The following GALK2 variants were observed in gnomAD, a reference collection of about 807,000 sequenced individuals.
The protein encoded by GALK2 is N-acetylgalactosamine kinase.
In GALK2, 36 loss-of-function variants were observed where a neutral mutation model predicts 52.4. The observed-to-expected ratio is 0.69, with a 90% CI of 0.53 to 0.91. The LOEUF (loss-of-function observed/expected upper bound fraction) is 0.91. GALK2 is among the 40% of genes least tolerant of loss of function. The pLI is 0.00. For synonymous variants in GALK2, 176 were observed against 199.1 expected (o/e 0.88, Z 0.98); for missense variants, 579 against 559.1 (o/e 1.04, Z -0.36).
rs2038794687 is a variant in GALK2, at chr15:49,331,738, C to G, written c.*3579C>G. The G allele has an allele frequency of 1.7e-6, 2 of 1,209,194 alleles. No individual in the cohort carries two copies. The allele number at this position is 1,209,194 out of a possible 1,614,324, so 74.9% of individuals were successfully genotyped here. On this transcript the variant is annotated 3_prime_UTR_variant, in exon 10 of 10. Coordinates refer to ENST00000560031, the MANE Select transcript of GALK2 (RefSeq NM_002044.4). Reference sequence around the variant, plus strand: ...TATTGTCCAGTCTATATAAAAGAAGCTAGAGAGAGAATTCTCAATTATTTT... The same window carrying G: ...TATTGTCCAGTCTATATAAAAGAAGGTAGAGAGAGAATTCTCAATTATTTT...
In GALK2 at chr15:49,170,703, G is replaced by A. The variant is rs575676350; in HGVS notation, c.53+328G>A. ...CACACTGAACTCCTCTCTTTGTCTC[G>A]CATGCCAGTTGATACTGCTTTTTAA... On this transcript the variant is annotated intron_variant, in intron 1 of 9. Transcript: ENST00000560031. 7 of 264,994 alleles carry A rather than the reference G, an allele frequency of 2.6e-5. No individual in the cohort carries two copies. The South Asian group carries it at 7.7e-4, about 29-fold the overall frequency. The allele number at this position is 264,994 out of a possible 1,614,324, so 16.4% of individuals were successfully genotyped here. A position where few individuals can be genotyped will look rare whatever the true frequency, so the allele number is the denominator to read the frequency against.
intron 5 of GALK2, among the ~76,000 whole-genome samples, chr15:49,251,087 A>G (rs941474274): frequency 3.9e-4 from 59 of 152,220 alleles, no homozygotes; most frequent in African/African-American, 1.4e-3. Flanking sequence ...CTGCCAAACC[A>G]AATGTGATAG....
intron 3 of GALK2, among the ~76,000 whole-genome samples, chr15:49,346,340 T>C (rs778872388): frequency 4.3e-4 from 66 of 152,302 alleles, no homozygotes; most frequent in Middle Eastern, 6.8e-3. Context: ...TCCTACAAAA[T>C]GCTATGAAGC....
rs1175434605 is a variant in GALK2 at position 49,237,450 on chromosome 15, TTTTTTGTTTTTGTTTTTTTG to T, written c.357+1527_357+1546del. ...CATTTAAACATTGCATAATACGTTG[TTTTTTGTTTTTGTTTTTTTG>T]TTTTTGTTTTTGTTTTTGTTTTTTG... is the stretch of plus-strand genomic sequence containing the variant. On this transcript the variant is annotated intron_variant, in intron 4 of 9. Coordinates refer to ENST00000560031, the MANE Select transcript of GALK2 (RefSeq NM_002044.4). Among the ~76,000 whole-genome samples the T allele has an allele frequency of 7.2e-5, 11 of 152,014 alleles. 1 individual carries two copies. Among genetic ancestry groups the T allele is most frequent in the African/African-American group, 2.7e-4 (11 of 41,444 alleles).
At chr15:49,199,644 A>G (rs530335049) in intron 1 of GALK2, among the ~76,000 whole-genome samples, 5 of 147,282 alleles carry the variant, frequency 3.4e-5, no homozygotes, top group Admixed American at 3.4e-4. Flanking sequence ...AACTCTGCCA[A>G]GCTGATTATA....
At chr15:49,286,581 A>T (rs1315574994) in intron 7 of GALK2, among the ~76,000 whole-genome samples, 2 of 152,180 alleles carry the variant, frequency 1.3e-5, no homozygotes, top group African/African-American at 4.8e-5. Flanking sequence ...ATTATGATTT[A>T]AATGTTTTGA....
At chr15:49,217,380 GGA>G in intron 3 of GALK2, 67 bp downstream of exon 3, 1 of 1,432,932 alleles carries the variant, frequency 7.0e-7, no homozygotes, top group Non-Finnish European at 9.4e-7. Flanking sequence ...GAACTCTTTA[GGA>G]GACATCAAAT....
intron 5 of GALK2, among the ~76,000 whole-genome samples, chr15:49,245,432 T>C (rs1450271247): frequency 6.7e-6 from 1 of 150,174 alleles, no homozygotes; most frequent in Non-Finnish European, 1.5e-5. Context: ...AAATAAAAGA[T>C]AGAAGAACTG....
intron 8 of GALK2, among the ~76,000 whole-genome samples, chr15:49,300,202 G>A (rs1334471106): frequency 1.3e-5 from 2 of 151,834 alleles, no homozygotes; most frequent in East Asian, 1.9e-4. Flanking sequence ...GCCCATTTTT[G>A]ACCTTTTTGA....
chr15:49,337,515 T>TC (rs1359260171), intron 3 of GALK2, among the ~76,000 whole-genome samples: 1 of 135,454 alleles, frequency 7.4e-6, no homozygotes, highest in Non-Finnish European at 1.6e-5. Context: ...CCACTTTTTT[T>TC]TTTTTTTTTT....
intron 1 of GALK2, among the ~76,000 whole-genome samples, chr15:49,192,512 T>C (rs1250822472): frequency 2.9e-5 from 4 of 139,168 alleles, no homozygotes; most frequent in Admixed American, 2.8e-4. Flanking sequence ...TATATATATA[T>C]ATATATATAT....
intron 4 of GALK2, among the ~76,000 whole-genome samples, chr15:49,237,357 C>G (rs1318006781): frequency 1.3e-5 from 2 of 152,120 alleles, no homozygotes; most frequent in African/African-American, 4.8e-5. Flanking sequence ...ACATGTTATC[C>G]TTTTGGCATA....
intron 9 of GALK2, among the ~76,000 whole-genome samples, chr15:49,323,835 G>A (rs1488581266): frequency 2.0e-5 from 3 of 152,108 alleles, no homozygotes. Flanking sequence ...GAGGATGAAG[G>A]AAACTATACT....
chr15:49,358,893 T>C (rs1177549148), intron 3 of GALK2, among the ~76,000 whole-genome samples: 1 of 147,874 alleles, frequency 6.8e-6, no homozygotes, highest in African/African-American at 2.5e-5. Context: ...AACAGAGATA[T>C]AGATCAATGG....
At chr15:49,361,523 T>G (rs910823759) in intron 3 of GALK2, among the ~76,000 whole-genome samples, 2 of 152,170 alleles carry the variant, frequency 1.3e-5, no homozygotes, top group Non-Finnish European at 2.9e-5. Context: ...CTGCATTAGT[T>G]CACTTAGGTT....
At chr15:49,186,065 A>G (rs910183059) in intron 1 of GALK2, among the ~76,000 whole-genome samples, 1 of 152,004 alleles carries the variant, frequency 6.6e-6, no homozygotes, top group African/African-American at 2.4e-5. Context: ...GAGTTTGATT[A>G]TTAAATGTCT....
At chr15:49,292,282 A>G in intron 7 of GALK2, 45 bp from the exon 8 acceptor site, 5 of 1,557,294 alleles carry the variant, frequency 3.2e-6, no homozygotes, top group Non-Finnish European at 4.4e-6. Context: ...AGTACACATC[A>G]AATTCTGAAT....
upstream of GALK2, among the ~76,000 whole-genome samples, chr15:49,165,541 C>T (rs1006279730): frequency 6.6e-6 from 1 of 152,070 alleles, no homozygotes; most frequent in Non-Finnish European, 1.5e-5. Context: ...AATATAGCAG[C>T]CACTTGTTTC....
At chr15:49,180,591 A>G (rs1283403458) in intron 1 of GALK2, among the ~76,000 whole-genome samples, 1 of 152,346 alleles carries the variant, frequency 6.6e-6, no homozygotes, top group East Asian at 1.9e-4. Flanking sequence ...ACATCTGTTC[A>G]CATCCATTGC....
Sources: allele counts gnomAD v4.1 joint callset (sites outside exome capture counted in the v4.1 genomes callset), GRCh38; gene constraint gnomAD v4.1.1; transcripts MANE v1.5; gene names NCBI Gene and HGNC (gene_info 2026-07-23, HGNC 2026-07-21).